CCDC182: variants seen among roughly 807,000 people sequenced by gnomAD.
CCDC182 encodes coiled-coil domain-containing protein 182.
A neutral mutation model predicts 4.6 loss-of-function variants in CCDC182; 1 was observed. That is an observed-to-expected ratio of 0.22 (90% CI 0.08 to 1.02). The LOEUF is 1.02. CCDC182 is among the 50% of genes least tolerant of loss of function. The pLI, the probability that CCDC182 is intolerant of heterozygous loss-of-function variation, is 0.58. For missense variants in CCDC182, 209 were observed against 196.8 expected (o/e 1.06, Z -0.37); for synonymous variants, 82 against 83.9 (o/e 0.98, Z 0.12).
Position 57,745,084 on chromosome 17 carries a change from C to G in CCDC182, c.189G>C (p.Glu63Asp), listed in dbSNP as rs928873537. ...ACTTCAATGCCTCTTTCTTAAAGTC[C>G]TCCAGTTCCCGTTGCACCCCGGCCA... ...QKVAGVQREL[E>D]DFKKEALKSI... The change falls in exon 1 of 1, where the codon GAG (glutamate) becomes GAC (aspartate). Residue 63 changes from glutamate (E) to aspartate (D), a missense_variant. By Grantham distance (45) the Glu-to-Asp change is conservative. Transcript: ENST00000299415. 4 of 1,550,834 alleles carry G rather than the reference C, an allele frequency of 2.6e-6. No individual in the cohort carries two copies. The highest frequency in any genetic ancestry group is 2.6e-6 in the Non-Finnish European group (3 of 1,147,068).
At position 57,744,565 on chromosome 17, in the gene CCDC182, C is replaced by T; in HGVS notation, c.*246G>A. 1 of 472,182 alleles carries T rather than the reference C, an allele frequency of 2.1e-6. No homozygotes were observed. Among genetic ancestry groups the T allele is most frequent in the Non-Finnish European group, 3.8e-6 (1 of 264,184 alleles). The allele number at this position is 472,182 out of a possible 1,614,324, so 29.2% of individuals were successfully genotyped here. On this transcript the variant is annotated 3_prime_UTR_variant, in exon 1 of 1. Transcript: ENST00000299415. ...AATAGTACCATTACAAACAGGAAAACAGTTCAAGTGAAAGTTACAGGGGCC... is the reference window on the plus strand; with the variant it reads ...AATAGTACCATTACAAACAGGAAAATAGTTCAAGTGAAAGTTACAGGGGCC...
In CCDC182 at chr17:57,744,559, G is replaced by A. The variant is rs1276446017; in HGVS notation, c.*252C>T. 1 of 473,040 alleles carries A rather than the reference G, an allele frequency of 2.1e-6. No homozygotes were observed. The highest frequency in any genetic ancestry group is 3.3e-5 in the East Asian group (1 of 30,262). The allele number at this position is 473,040 out of a possible 1,614,324, so 29.3% of individuals were successfully genotyped here. A position where few individuals can be genotyped will look rare whatever the true frequency, so the allele number is the denominator to read the frequency against. On this transcript the variant is annotated 3_prime_UTR_variant, in exon 1 of 1. Transcript: ENST00000299415. ...TTGAGCAATAGTACCATTACAAACA[G>A]GAAAACAGTTCAAGTGAAAGTTACA... is the stretch of plus-strand genomic sequence containing the variant.
At position 57,745,166 on chromosome 17, in the gene CCDC182, T is replaced by G; in HGVS notation, c.107A>C (p.Gln36Pro). ...GLQSGDFSLS[Q>P]SWPSCLPPPA... Reference sequence around the variant, plus strand: ...TGGTGGGAGGCAGGAGGGCCATGACTGGGACAGGGAAAAGTCTCCAGACTG... The same window carrying G: ...TGGTGGGAGGCAGGAGGGCCATGACGGGGACAGGGAAAAGTCTCCAGACTG... The change falls in exon 1 of 1, where the codon CAG (glutamine) becomes CCG (proline). Residue 36 changes from glutamine (Q) to proline (P), a missense_variant. Gln to Pro is a moderately conservative substitution (Grantham distance 76, BLOSUM62 -1). Transcript: ENST00000299415. The G allele has an allele frequency of 6.4e-7, 1 of 1,550,650 alleles. No homozygotes were observed. Among genetic ancestry groups the G allele is most frequent in the Non-Finnish European group, 8.7e-7 (1 of 1,146,974 alleles).
Position 57,744,728 on chromosome 17 carries a change from AG to A in CCDC182, c.*82del, listed in dbSNP as rs2073268385. 1.1e-6 allele frequency: 1 copy of A among 880,890 alleles called. No individual in the cohort carries two copies. Among genetic ancestry groups the A allele is most frequent in the African/African-American group, 1.7e-5 (1 of 59,194 alleles). 54.6% of individuals were successfully genotyped at this position (880,890 alleles called of 1,614,324 possible). A position where few individuals can be genotyped will look rare whatever the true frequency, so the allele number is the denominator to read the frequency against. ...AAAGCAATGGAAATGAGGAAGGGAAAGCAAGGGGGTAGGGACTTGGGGTTTC... is the reference window on the plus strand; with the variant it reads ...AAAGCAATGGAAATGAGGAAGGGAAACAAGGGGGTAGGGACTTGGGGTTTC... On this transcript the variant is annotated 3_prime_UTR_variant, in exon 1 of 1. Transcript: ENST00000299415.
At position 57,745,177 on chromosome 17, in the gene CCDC182, A is replaced by G; in HGVS notation, c.96T>C (p.Phe32=). ...AGGAGGGCCATGACTGGGACAGGGA[A>G]AAGTCTCCAGACTGGAGGCCACTCT... ...MIESGLQSGD[F]SLSQSWPSCL... The change falls in exon 1 of 1, where the codon TTT becomes TTC. Residue 32 remains phenylalanine (F), a synonymous_variant. Coordinates refer to ENST00000299415, the MANE Select transcript of CCDC182 (RefSeq NM_001282544.2). The G allele has an allele frequency of 6.4e-7, 1 of 1,550,586 alleles. No individual in the cohort carries two copies. Among genetic ancestry groups the G allele is most frequent in the Non-Finnish European group, 8.7e-7 (1 of 1,146,956 alleles).
At position 57,744,732 on chromosome 17, in the gene CCDC182, AG is replaced by A. The variant is rs2073268417; in HGVS notation, c.*78del. 5.5e-6 allele frequency: 5 copies of A among 903,992 alleles called. No individual in the cohort carries two copies. Among genetic ancestry groups the A allele is most frequent in the Non-Finnish European group, 8.3e-6 (5 of 599,088 alleles). 56.0% of individuals were successfully genotyped at this position (903,992 alleles called of 1,614,324 possible). A position where few individuals can be genotyped will look rare whatever the true frequency, so the allele number is the denominator to read the frequency against. The stretch of plus-strand genomic sequence containing the variant: ...CAATGGAAATGAGGAAGGGAAAGCA[AG>A]GGGGTAGGGACTTGGGGTTTCTCCT... On this transcript the variant is annotated 3_prime_UTR_variant, in exon 1 of 1. Coordinates refer to ENST00000299415, the MANE Select transcript of CCDC182 (RefSeq NM_001282544.2).
In CCDC182 at chr17:57,744,796, T is replaced by C. The variant is rs547833531; in HGVS notation, c.*15A>G. The C allele has an allele frequency of 6.0e-6, 9 of 1,503,756 alleles. No individual in the cohort carries two copies. In the African/African-American group the frequency reaches 1.3e-4, roughly 21 times the overall value. 93.2% of individuals were successfully genotyped at this position (1,503,756 alleles called of 1,614,324 possible). A position where few individuals can be genotyped will look rare whatever the true frequency, so the allele number is the denominator to read the frequency against. On this transcript the variant is annotated 3_prime_UTR_variant, in exon 1 of 1. Coordinates refer to ENST00000299415, the MANE Select transcript of CCDC182 (RefSeq NM_001282544.2). The stretch of plus-strand genomic sequence containing the variant: ...AATCTTCAACTTGGTGCTTGGCTAG[T>C]GCCACCCACGAGGTTCAGTCAGCCT...
In CCDC182 at chr17:57,744,882, G is replaced by A. The variant is rs898215136; in HGVS notation, c.391C>T (p.Arg131Trp). The A allele has an allele frequency of 2.6e-6, 4 of 1,550,510 alleles. No individual in the cohort carries two copies. The East Asian group carries it at 9.8e-5, about 38-fold the overall frequency. The change falls in exon 1 of 1, where the codon CGG becomes TGG. Residue 131 changes from arginine (R) to tryptophan (W), a missense_variant. Coordinates refer to ENST00000299415, the MANE Select transcript of CCDC182 (RefSeq NM_001282544.2). ...REKQLREHCK[R>W]LEDLLLDRGR... is the part of the protein sequence containing the mutation. ...CTGTCCAGCAGCAGGTCCTCCAGCC[G>A]CTTGCAGTGCTCCCGGAGCTGTTTC...
rs2073268593 is a variant in CCDC182 at position 57,744,751 on chromosome 17, T to C, written c.*60A>G. 5 of 1,151,028 alleles carry C rather than the reference T, an allele frequency of 4.3e-6. No homozygotes were observed. The Admixed American group carries it at 9.8e-5, about 23-fold the overall frequency. The allele number at this position is 1,151,028 out of a possible 1,614,324, so 71.3% of individuals were successfully genotyped here. On this transcript the variant is annotated 3_prime_UTR_variant, in exon 1 of 1. Transcript: ENST00000299415. The stretch of plus-strand genomic sequence containing the variant: ...AAAGCAAGGGGGTAGGGACTTGGGG[T>C]TTCTCCTTCCGTTAAAAAAAATCTT...
Position 57,745,280 on chromosome 17 carries a change from T to C in CCDC182, c.-8A>G. On this transcript the variant is annotated 5_prime_UTR_variant, in exon 1 of 1. Transcript: ENST00000299415. Reference sequence around the variant, plus strand: ...CTGGTAGAGGGGTTCCATTGTCTCTTCTACGTTGGACAAAGAGAGGAAGCC... The same window carrying C: ...CTGGTAGAGGGGTTCCATTGTCTCTCCTACGTTGGACAAAGAGAGGAAGCC... 6.6e-7 allele frequency: 1 copy of C among 1,524,792 alleles called. No individual in the cohort carries two copies. Among genetic ancestry groups the C allele is most frequent in the Non-Finnish European group, 8.9e-7 (1 of 1,129,556 alleles). The allele number at this position is 1,524,792 out of a possible 1,614,324, so 94.5% of individuals were successfully genotyped here. A position where few individuals can be genotyped will look rare whatever the true frequency, so the allele number is the denominator to read the frequency against.
At position 57,745,287 on chromosome 17, in the gene CCDC182, T is replaced by C; in HGVS notation, c.-15A>G. On this transcript the variant is annotated 5_prime_UTR_variant, in exon 1 of 1. Coordinates refer to ENST00000299415, the MANE Select transcript of CCDC182 (RefSeq NM_001282544.2). ...AGGGGTTCCATTGTCTCTTCTACGT[T>C]GGACAAAGAGAGGAAGCCAAGAGAC... The C allele has an allele frequency of 3.3e-6, 5 of 1,512,166 alleles. No homozygotes were observed. The highest frequency in any genetic ancestry group is 3.6e-6 in the Non-Finnish European group (4 of 1,121,986). 93.7% of individuals were successfully genotyped at this position (1,512,166 alleles called of 1,614,324 possible). A position where few individuals can be genotyped will look rare whatever the true frequency, so the allele number is the denominator to read the frequency against.
chr17:57,744,525 A>G lies in CCDC182; in HGVS notation c.*286T>C, dbSNP rs1348624454. 5 of 339,174 alleles carry G rather than the reference A, an allele frequency of 1.5e-5. No individual in the cohort carries two copies. The highest frequency in any genetic ancestry group is 2.7e-5 in the Non-Finnish European group (5 of 184,486). The allele number at this position is 339,174 out of a possible 1,614,324, so 21.0% of individuals were successfully genotyped here. A position where few individuals can be genotyped will look rare whatever the true frequency, so the allele number is the denominator to read the frequency against. ...TTAAGAATATACTATACAAATAAAG[A>G]GGTATACATTGAGCAATAGTACCAT... On this transcript the variant is annotated 3_prime_UTR_variant, in exon 1 of 1. Transcript: ENST00000299415.
In CCDC182 at chr17:57,744,839, C is replaced by T. The variant is rs1347758005; in HGVS notation, c.434G>A (p.Arg145His). The change falls in exon 1 of 1, where the codon CGT (arginine) becomes CAT (histidine). Residue 145 changes from arginine (R) to histidine (H), a missense_variant. Coordinates refer to ENST00000299415, the MANE Select transcript of CCDC182 (RefSeq NM_001282544.2). ...GTCAGCCTGGCTCTTCTTGGTGGCA[C>T]GCAGGGCGTCACGTCCCCTGTCCAG... ...LLLDRGRDAL[R>H]ATKKSQAD The T allele has an allele frequency of 3.2e-6, 5 of 1,543,880 alleles. No homozygotes were observed. The highest frequency in any genetic ancestry group is 4.4e-6 in the Non-Finnish European group (5 of 1,142,196).
rs2073271799 is a variant in CCDC182, at chr17:57,745,058, G to A, written c.215C>T (p.Ser72Phe). The A allele has an allele frequency of 6.4e-7, 1 of 1,550,874 alleles. No homozygotes were observed. Among genetic ancestry groups the A allele is most frequent in the Non-Finnish European group, 8.7e-7 (1 of 1,147,084 alleles). The change falls in exon 1 of 1, where the codon TCC becomes TTC. Residue 72 changes from serine to phenylalanine, a missense_variant. By Grantham distance (155) the Ser-to-Phe change is radical. Transcript: ENST00000299415. ...LEDFKKEALK[S>F]IHYLEDAFCE... Reference sequence around the variant, plus strand: ...GAAGGCGTCTTCAAGGTAATGAATGGACTTCAATGCCTCTTTCTTAAAGTC... The same window carrying A: ...GAAGGCGTCTTCAAGGTAATGAATGAACTTCAATGCCTCTTTCTTAAAGTC...
chr17:57,744,963 C>T lies in CCDC182; in HGVS notation c.310G>A (p.Glu104Lys). The T allele has an allele frequency of 1.9e-6, 3 of 1,550,730 alleles. No homozygotes were observed. The highest frequency in any genetic ancestry group is 2.6e-6 in the Non-Finnish European group (3 of 1,147,010). Residue 104 changes from glutamate to lysine, a missense_variant, in exon 1 of 1, where the codon GAG (glutamate) becomes AAG (lysine). Physicochemically the swap from Glu to Lys is moderately conservative, Grantham distance 56. Transcript: ENST00000299415. ...TTGCGCACGATGCCACGGTCCTCCTCCTCCCTTAGCCGCTGCCTCACGCGA... is the reference window on the plus strand; with the variant it reads ...TTGCGCACGATGCCACGGTCCTCCTTCTCCCTTAGCCGCTGCCTCACGCGA... The part of the protein sequence containing the change: ...AARVRQRLRE[E>K]EDRGIVRNKV...
Position 57,744,540 on chromosome 17 carries a change from A to G in CCDC182, c.*271T>C. 2.4e-6 allele frequency: 1 copy of G among 424,386 alleles called. No individual in the cohort carries two copies. Among genetic ancestry groups the G allele is most frequent in the East Asian group, 3.8e-5 (1 of 26,622 alleles). The allele number at this position is 424,386 out of a possible 1,614,324, so 26.3% of individuals were successfully genotyped here. A position where few individuals can be genotyped will look rare whatever the true frequency, so the allele number is the denominator to read the frequency against. On this transcript the variant is annotated 3_prime_UTR_variant, in exon 1 of 1. Transcript: ENST00000299415. ...ACAAATAAAGAGGTATACATTGAGC[A>G]ATAGTACCATTACAAACAGGAAAAC...
rs746067806 is a variant in CCDC182, at chr17:57,745,037, G to C, written c.236C>G (p.Ala79Gly). The stretch of plus-strand genomic sequence containing the variant: ...CAGGGCTCCATTCATCTCGCAGAAG[G>C]CGTCTTCAAGGTAATGAATGGACTT... The part of the protein sequence containing the change: ...ALKSIHYLED[A>G]FCEMNGALVQ... Residue 79 changes from alanine to glycine, a missense_variant, in exon 1 of 1, where the codon GCC becomes GGC. By Grantham distance (60) the Ala-to-Gly change is moderately conservative. Coordinates refer to ENST00000299415, the MANE Select transcript of CCDC182 (RefSeq NM_001282544.2). 11 of 1,550,892 alleles carry C rather than the reference G, an allele frequency of 7.1e-6. No homozygotes were observed. The highest frequency in any genetic ancestry group is 4.8e-5 in the South Asian group (4 of 84,066).
In CCDC182 at chr17:57,744,922, G is replaced by A. The variant is rs1372742338; in HGVS notation, c.351C>T (p.Phe117=). 1 of 1,550,654 alleles carries A rather than the reference G, an allele frequency of 6.4e-7. No individual in the cohort carries two copies. Among genetic ancestry groups the A allele is most frequent in the Non-Finnish European group, 8.7e-7 (1 of 1,147,018 alleles). Residue 117 remains phenylalanine (F), a synonymous_variant, in exon 1 of 1, where the codon TTC becomes TTT. Transcript: ENST00000299415. The part of the protein sequence containing the change: ...RGIVRNKVLT[F]LLPREKQLRE... ...GGAGCTGTTTCTCGCGCGGCAACAG[G>A]AAGGTGAGAACCTTGTTGCGCACGA...
In CCDC182 at chr17:57,744,649, A is replaced by G; in HGVS notation, c.*162T>C. ...ATGCTGGATAAATGGAATTTCACCA[A>G]AAAAAATATTGAAGTCTTTTTGCCT... On this transcript the variant is annotated 3_prime_UTR_variant, in exon 1 of 1. Transcript: ENST00000299415. The G allele has an allele frequency of 8.2e-6, 5 of 606,856 alleles. No homozygotes were observed. Among genetic ancestry groups the G allele is most frequent in the South Asian group, 2.2e-5 (1 of 46,172 alleles). 37.6% of individuals were successfully genotyped at this position (606,856 alleles called of 1,614,324 possible). A position where few individuals can be genotyped will look rare whatever the true frequency, so the allele number is the denominator to read the frequency against.
Sources: allele counts gnomAD v4.1 joint callset, GRCh38; gene constraint gnomAD v4.1.1; transcripts MANE v1.5; gene names NCBI Gene and HGNC (gene_info 2026-07-23, HGNC 2026-07-21).